DDAH1: variants seen among roughly 807,000 people sequenced by gnomAD.
The protein encoded by DDAH1 is N(G),N(G)-dimethylarginine dimethylaminohydrolase 1.
DDAH1 carries 19 observed loss-of-function variants against 28.8 expected under a neutral mutation model. The ratio of observed to expected loss-of-function variants is 0.66; its 90% CI spans 0.46 to 0.97. DDAH1 has a LOEUF of 0.97. Ranked by LOEUF, DDAH1 falls within the 50% of genes least tolerant of loss-of-function variation. The pLI is 0.00. For missense variants in DDAH1, 326 were observed against 375.9 expected (o/e 0.87, Z 1.10); for synonymous variants, 153 against 154.4 (o/e 0.99, Z 0.07).
At chr1:85,344,345 AAAAC>A (rs1449557487) in intron 4 of DDAH1, among the ~76,000 whole-genome samples, 1 of 151,672 alleles carries the variant, frequency 6.6e-6, no homozygotes, top group Non-Finnish European at 1.5e-5. Context: ...AATGAAAACA[AAAAC>A]AAAACAAGAC....
chr1:85,505,974 G>A (rs369674844), intron 1 of DDAH1, among the ~76,000 whole-genome samples: 2 of 152,126 alleles, frequency 1.3e-5, no homozygotes, highest in East Asian at 1.9e-4. Flanking sequence ...TTCATTGAAC[G>A]CTGACTTTAC....
At chr1:85,528,421 T>G (rs531734229) in intron 1 of DDAH1, among the ~76,000 whole-genome samples, 15 of 152,090 alleles carry the variant, frequency 9.9e-5, no homozygotes, top group African/African-American at 3.6e-4. Context: ...TTAAAGTAAA[T>G]AAAATATTAT....
chr1:85,381,972 T>C (rs936412250), intron 1 of DDAH1, among the ~76,000 whole-genome samples: 3 of 152,156 alleles, frequency 2.0e-5, no homozygotes, highest in Non-Finnish European at 4.4e-5. Context: ...CCTGGAGACA[T>C]AGCAATATTG....
chr1:85,457,932 G>A (rs918165872), intron 1 of DDAH1, among the ~76,000 whole-genome samples: 2 of 152,024 alleles, frequency 1.3e-5, no homozygotes, highest in Admixed American at 6.6e-5. Flanking sequence ...CTCATGATCC[G>A]CCCACCTTGG....
At position 85,335,407 on chromosome 1, in the gene DDAH1, A is replaced by G. The variant is rs535134609; in HGVS notation, c.598-10524T>C. Among the ~76,000 whole-genome samples, 80 of 152,188 alleles carry G rather than the reference A, an allele frequency of 5.3e-4. 1 individual carries two copies. Among genetic ancestry groups the G allele is most frequent in the Non-Finnish European group, 1.2e-4 (8 of 68,044 alleles). On this transcript the variant is annotated intron_variant, in intron 4 of 5. Transcript: ENST00000284031. ...TTTTTTTAAAACCCATGACCTAACT[A>G]TATGCTGCCTAGTGAAACTCACTTC...
chr1:85,446,491 T>C (rs1156385961), intron 1 of DDAH1, among the ~76,000 whole-genome samples: 1 of 152,144 alleles, frequency 6.6e-6, no homozygotes, highest in Non-Finnish European at 1.5e-5. Context: ...CCTAACCATA[T>C]CAATTGTCTA....
intron 1 of DDAH1, among the ~76,000 whole-genome samples, chr1:85,553,500 C>T (rs1658861822): frequency 6.6e-6 from 1 of 152,176 alleles, no homozygotes. Flanking sequence ...TGGGTCCTAA[C>T]TATGAAGATG....
chr1:85,460,911 C>A (rs4391710), intron 1 of DDAH1, among the ~76,000 whole-genome samples: 4 of 152,176 alleles, frequency 2.6e-5, no homozygotes, highest in African/African-American at 4.8e-5. Flanking sequence ...GTTATTTCTC[C>A]TACATCATCT....
At chr1:85,530,531 C>T (rs1383067180) in intron 1 of DDAH1, among the ~76,000 whole-genome samples, 9 of 151,790 alleles carry the variant, frequency 5.9e-5, no homozygotes, top group Non-Finnish European at 1.2e-4. Flanking sequence ...AGGACATTAG[C>T]AGCCTTTTGG....
At chr1:85,559,907 G>A (rs921284642) in intron 1 of DDAH1, among the ~76,000 whole-genome samples, 1 of 151,982 alleles carries the variant, frequency 6.6e-6, no homozygotes, top group African/African-American at 2.4e-5. Context: ...AGGACAGAAC[G>A]AGTATAAATT....
intron 1 of DDAH1, among the ~76,000 whole-genome samples, chr1:85,553,839 A>G (rs980443822): frequency 6.6e-6 from 1 of 152,186 alleles, no homozygotes; most frequent in Admixed American, 6.5e-5. Flanking sequence ...TCCTTCTGAA[A>G]CATTGTAGTG....
intron 1 of DDAH1, among the ~76,000 whole-genome samples, chr1:85,416,621 T>C (rs1169810927): frequency 6.6e-6 from 1 of 152,224 alleles, no homozygotes; most frequent in Non-Finnish European, 1.5e-5. Flanking sequence ...TTTAGAATAG[T>C]GTGGTCAGAC....
intron 1 of DDAH1, among the ~76,000 whole-genome samples, chr1:85,539,023 C>T (rs1323518382): frequency 6.6e-6 from 1 of 152,196 alleles, no homozygotes; most frequent in South Asian, 2.1e-4. Context: ...CTATTCCCTT[C>T]CTTTAAAAAT....
intron 1 of DDAH1, among the ~76,000 whole-genome samples, chr1:85,511,089 C>T (rs1232949723): frequency 6.6e-6 from 1 of 152,208 alleles, no homozygotes; most frequent in African/African-American, 2.4e-5. Flanking sequence ...AAATTGAGCA[C>T]ATAGTTGGAA....
chr1:85,576,964 G>GCCACCA (rs1553150161), intron 1 of DDAH1: 2 of 153,694 alleles, frequency 1.3e-5, no homozygotes, highest in African/African-American at 2.4e-5. Flanking sequence ...AGCCGCCGCC[G>GCCACCA]CCGCCACCGC....
At chr1:85,351,700 T>G (rs1264746060) in intron 2 of DDAH1, 121 bp from the exon 3 acceptor site, 2 of 700,558 alleles carry the variant, frequency 2.9e-6, no homozygotes, top group Admixed American at 5.3e-5. Context: ...AGAGAACAGC[T>G]TCACTAAAGA....
chr1:85,463,362 G>C (rs1045457471), intron 1 of DDAH1, among the ~76,000 whole-genome samples: 1 of 152,168 alleles, frequency 6.6e-6, no homozygotes, highest in African/African-American at 2.4e-5. Context: ...ATTTTGAAAG[G>C]GTTTTGAAAT....
At chr1:85,518,904 G>T in intron 1 of DDAH1, among the ~76,000 whole-genome samples, 1 of 151,822 alleles carries the variant, frequency 6.6e-6, no homozygotes, top group Middle Eastern at 3.4e-3. Flanking sequence ...TTAGCACATA[G>T]CAATTACTCA....
chr1:85,541,804 G>T (rs1474260693), intron 1 of DDAH1, among the ~76,000 whole-genome samples: 1 of 152,128 alleles, frequency 6.6e-6, no homozygotes, highest in African/African-American at 2.4e-5. Context: ...ACCTCAGAGA[G>T]CTCCTTTGCT....
Sources: gnomAD v4.1 joint callset for allele counts (sites outside exome capture counted in the v4.1 genomes callset) on GRCh38, gnomAD v4.1.1 for gene constraint, MANE v1.5 for transcripts, NCBI Gene and HGNC (gene_info 2026-07-23, HGNC 2026-07-21) for gene names.